Variants in PLXNA4 observed in about 807,000 individuals in gnomAD.
PLXNA4 encodes plexin A4, also known as plexin-A4.
In PLXNA4, 44 loss-of-function variants were observed where a neutral mutation model predicts 191.8. The observed-to-expected ratio is 0.23, with a 90% confidence interval of 0.18 to 0.29. The LOEUF is 0.29. Among genes scored for constraint, PLXNA4 ranks in the 10% least tolerant of loss-of-function variants. PLXNA4 has a pLI of 1.00. For missense variants in PLXNA4, 1,800 were observed against 2,488.8 expected, an observed-to-expected ratio of 0.72 and a Z score of 5.89; for synonymous variants, 1,082 against 1,009.5, an observed-to-expected ratio of 1.07 and a Z score of -1.36.
At position 132,225,162 on chromosome 7, in the gene PLXNA4, T is replaced by G. The variant is rs188077743; in HGVS notation, c.1982+999A>C. Reference sequence around the variant, plus strand: ...TCTATGGTGAGAAGAAAAAAAAGGCTGGCCCATTCACAACCTGGTCCAACC... The same window carrying G: ...TCTATGGTGAGAAGAAAAAAAAGGCGGGCCCATTCACAACCTGGTCCAACC... On this transcript the variant is annotated intron_variant, in intron 8 of 31. Transcript: ENST00000321063. 1.7e-3 allele frequency among the ~76,000 whole-genome samples: 261 copies of G among 152,302 alleles called. 2 individuals are homozygous for G. The highest frequency in any genetic ancestry group is 6.0e-3 in the African/African-American group (250 of 41,568).
At chr7:132,444,742 C>A (rs1288051911) in intron 3 of PLXNA4, among the ~76,000 whole-genome samples, 1 of 152,128 alleles carries the variant, frequency 6.6e-6, no homozygotes, top group Non-Finnish European at 1.5e-5. Context: ...CAACCATGCA[C>A]CCTCTCCACT....
At chr7:132,312,636 T>C (rs1408207836) in intron 3 of PLXNA4, among the ~76,000 whole-genome samples, 2 of 152,208 alleles carry the variant, frequency 1.3e-5, no homozygotes, top group Non-Finnish European at 2.9e-5. Flanking sequence ...ATGCAGTGAT[T>C]GAAAGCATGG....
intron 2 of PLXNA4, among the ~76,000 whole-genome samples, chr7:132,607,987 A>C (rs1231520909): frequency 1.3e-5 from 2 of 150,802 alleles, no homozygotes; most frequent in African/African-American, 4.9e-5. Flanking sequence ...CATCATCCTC[A>C]TCTCTATCAC....
chr7:132,399,174 C>T (rs774282045), intron 3 of PLXNA4, among the ~76,000 whole-genome samples: 4 of 152,172 alleles, frequency 2.6e-5, no homozygotes, highest in Non-Finnish European at 5.9e-5. Context: ...AGTATTTACA[C>T]ACAGTTCTGC....
Position 132,508,140 on chromosome 7 carries a change from A to G in PLXNA4, c.554T>C (p.Ile185Thr). 1 of 1,614,190 alleles carries G rather than the reference A, an allele frequency of 6.2e-7. No individual in the cohort carries two copies. Among genetic ancestry groups the G allele is most frequent in the South Asian group, 1.1e-5 (1 of 91,082 alleles). ...GGGCTTCCCATCCACTGCCGTGGCA[A>G]TGAACAGCTTGTCATCCAGGTTGCT... ...SYSNLDDKLF[I>T]ATAVDGKPEY... The change falls in exon 2 of 32, where the codon ATT (isoleucine) becomes ACT (threonine). Residue 185 changes from isoleucine to threonine, a missense_variant. Ile to Thr is a moderately conservative substitution (Grantham distance 89). Around this residue, in one of 6 missense-constraint regions of PLXNA4, gnomAD observed 1,397 missense variants for 1,880.4 expected, o/e 0.74. Transcript: ENST00000321063. The surrounding 1 kb of genome is among the most constrained non-coding windows in gnomAD (Gnocchi z 4.4).
chr7:132,181,405 C>G lies in PLXNA4; in HGVS notation c.3468G>C (p.Lys1156Asn), dbSNP rs997485303. The G allele has an allele frequency of 5.0e-6, 8 of 1,613,972 alleles. No individual in the cohort carries two copies. The highest frequency in any genetic ancestry group is 5.1e-6 in the Non-Finnish European group (6 of 1,179,992). Residue 1156 changes from lysine (K) to asparagine (N), a missense_variant, in exon 18 of 32, where the codon AAG becomes AAC. Physicochemically the swap from Lys to Asn is moderately conservative, Grantham distance 94. Coordinates refer to ENST00000321063, the MANE Select transcript of PLXNA4 (RefSeq NM_020911.2). ...AFGPSGILEL[K>N]PGTPIILKGK... ...CCTTTAGGATGATGGGCGTGCCAGG[C>G]TTGAGCTCCAGGATTCCTGAGGGAC...
In PLXNA4 at chr7:132,166,897, C is replaced by T. The variant is rs564838457; in HGVS notation, c.4286+1407G>A. 1.1e-4 allele frequency among the ~76,000 whole-genome samples: 17 copies of T among 152,266 alleles called. No individual in the cohort carries two copies. The South Asian group carries it at 3.5e-3, about 32-fold the overall frequency. ...TCTGCTGGCTCTTATATGCAGCAGA[C>T]TTTTGCAGCTGTGCAGGCAAATGCC... is the stretch of plus-strand genomic sequence containing the variant. On this transcript the variant is annotated intron_variant, in intron 22 of 31. Transcript: ENST00000321063.
chr7:132,264,686 T>A (rs1353518957), intron 4 of PLXNA4, among the ~76,000 whole-genome samples: 1 of 20,030 alleles, frequency 5.0e-5, no homozygotes. Flanking sequence ...CCTCCCCGCT[T>A]TTTTTTTTTT....
chr7:132,288,594 T>C (rs1486628902), intron 4 of PLXNA4, among the ~76,000 whole-genome samples: 1 of 152,166 alleles, frequency 6.6e-6, no homozygotes, highest in Non-Finnish European at 1.5e-5. Context: ...CTATCAGACA[T>C]AGGCCAGCCT....
At chr7:132,576,477 G>A (rs1802243895), upstream of PLXNA4, 17 of 985,834 alleles carry the variant, frequency 1.7e-5, no homozygotes, top group South Asian at 4.7e-5. The surrounding 1 kb of genome is among the most constrained non-coding windows in gnomAD (Gnocchi z 5.8). Flanking sequence ...CACTGCAGAT[G>A]GAGCCTATGC....
intron 4 of PLXNA4, among the ~76,000 whole-genome samples, chr7:132,258,038 G>A (rs1562995608): frequency 1.3e-5 from 2 of 152,362 alleles, no homozygotes; most frequent in South Asian, 4.1e-4. Flanking sequence ...AGGCAGAAAA[G>A]TTGGACAGAA....
intron 15 of PLXNA4, 99 bp downstream of exon 15, chr7:132,187,372 C>A: frequency 6.7e-7 from 1 of 1,499,190 alleles, no homozygotes. Context: ...GTGGTTACAC[C>A]CTCCCAACTC....
chr7:132,206,743 C>G (rs1420508894), intron 10 of PLXNA4, among the ~76,000 whole-genome samples: 1 of 152,096 alleles, frequency 6.6e-6, no homozygotes, highest in Non-Finnish European at 1.5e-5. Flanking sequence ...GCAGATGGAG[C>G]CTCTCTGCCT....
At chr7:132,333,762 C>A (rs552051042) in intron 3 of PLXNA4, among the ~76,000 whole-genome samples, 68 of 152,310 alleles carry the variant, frequency 4.5e-4, no homozygotes, top group South Asian at 3.7e-3. Flanking sequence ...CCGGGCCCCA[C>A]TTCCCAAGGG....
intron 2 of PLXNA4, among the ~76,000 whole-genome samples, chr7:132,501,402 A>C (rs1327771030): frequency 6.6e-6 from 1 of 152,178 alleles, no homozygotes; most frequent in South Asian, 2.1e-4. Flanking sequence ...CACATCCTCA[A>C]ACCTGACTTT....
At chr7:132,421,791 A>T (rs762004932) in intron 3 of PLXNA4, among the ~76,000 whole-genome samples, 2 of 152,100 alleles carry the variant, frequency 1.3e-5, no homozygotes, top group Non-Finnish European at 2.9e-5. Context: ...AACCCTAGAG[A>T]TCCCCAAGAG....
chr7:132,519,421 G>A (rs1203908467), intron 1 of PLXNA4, among the ~76,000 whole-genome samples: 3 of 152,318 alleles, frequency 2.0e-5, no homozygotes, highest in East Asian at 1.9e-4. Context: ...TTGCTGTCAC[G>A]TCTGCTGCCC....
At chr7:132,476,217 AAGTGCCCCTCCT>A (rs1427846659) in intron 3 of PLXNA4, among the ~76,000 whole-genome samples, 2 of 152,188 alleles carry the variant, frequency 1.3e-5, no homozygotes, top group Non-Finnish European at 2.9e-5. Flanking sequence ...GACAGAATCA[AAGTGCCCCTCCT>A]AGCATAATAG....
intron 25 of PLXNA4, among the ~76,000 whole-genome samples, chr7:132,149,221 C>T (rs1182725526): frequency 6.6e-6 from 1 of 152,132 alleles, no homozygotes; most frequent in Non-Finnish European, 1.5e-5. Flanking sequence ...ATGAACATCC[C>T]ATTCCCTGCA....
Sources: allele counts gnomAD v4.1 joint callset (sites outside exome capture counted in the v4.1 genomes callset), GRCh38; gene constraint gnomAD v4.1.1; regional missense constraint gnomAD v4.1.1; non-coding constraint Gnocchi (gnomAD v3.1); transcripts MANE v1.5; gene names NCBI Gene and HGNC (gene_info 2026-07-23, HGNC 2026-07-21).